Variants in EPHA3 observed in about 807,000 individuals in gnomAD.
EPHA3 encodes the protein ephrin type-A receptor 3.
A neutral mutation model predicts 107.1 loss-of-function variants in EPHA3; 42 were observed. The observed-to-expected ratio is 0.39, with a 90% CI of 0.31 to 0.51. The LOEUF is 0.51. Among genes scored for constraint, EPHA3 ranks in the 20% least tolerant of loss-of-function variants. EPHA3 has a pLI of 0.78. For missense variants in EPHA3, 1,183 were observed against 1,211.2 expected, an observed-to-expected ratio of 0.98 and a Z score of 0.35; for synonymous variants, 461 against 424.8, an observed-to-expected ratio of 1.09 and a Z score of -1.05.
chr3:89,227,332 G>A (rs1704525661), intron 3 of EPHA3, among the ~76,000 whole-genome samples: 3 of 151,906 alleles, frequency 2.0e-5, no homozygotes, highest in African/African-American at 4.8e-5. Flanking sequence ...TCTCTTGGAG[G>A]TTCTGAAAAT....
chr3:89,299,867 C>T (rs1339697053), intron 3 of EPHA3, among the ~76,000 whole-genome samples: 2 of 151,842 alleles, frequency 1.3e-5, no homozygotes, highest in Non-Finnish European at 2.9e-5. Flanking sequence ...TTTTGATAGC[C>T]GTAAGTAACG....
chr3:89,309,723 T>C (rs1056377604), intron 3 of EPHA3, among the ~76,000 whole-genome samples: 10 of 152,262 alleles, frequency 6.6e-5, no homozygotes, highest in Admixed American at 6.5e-4. Flanking sequence ...GCCAAACCTA[T>C]GTTCCCTAGG....
chr3:89,357,797 G>A (rs1459272218), intron 5 of EPHA3, among the ~76,000 whole-genome samples: 1 of 150,862 alleles, frequency 6.6e-6, no homozygotes, highest in East Asian at 1.9e-4. Flanking sequence ...CTTTTCTCTT[G>A]GTTTGAATTG....
intron 3 of EPHA3, among the ~76,000 whole-genome samples, chr3:89,253,408 C>T (rs1705207849): frequency 6.6e-6 from 1 of 152,014 alleles, no homozygotes; most frequent in East Asian, 1.9e-4. Flanking sequence ...GTTACATGTT[C>T]TTTTACAATA....
chr3:89,148,981 C>G (rs540554429), intron 2 of EPHA3, among the ~76,000 whole-genome samples: 1 of 151,672 alleles, frequency 6.6e-6, no homozygotes, highest in Non-Finnish European at 1.5e-5. Context: ...CTGAGAATAC[C>G]GAGTCAGAGA....
Position 89,472,507 on chromosome 3 carries a change from A to G in EPHA3, c.2734A>G (p.Thr912Ala), listed in dbSNP as rs531837299. ...LLDQSNVDIT[T>A]FRTTGDWLNG... is the part of the protein sequence containing the mutation. ...GGACCAAAGCAATGTGGATATCACT[A>G]CCTTCCGCACAACAGGTGACTGGCT... Residue 912 changes from threonine to alanine, a missense_variant, in exon 16 of 17, where the codon ACC becomes GCC. Transcript: ENST00000336596. 2.5e-6 allele frequency: 4 copies of G among 1,613,950 alleles called. No individual in the cohort carries two copies. Among genetic ancestry groups the G allele is most frequent in the East Asian group, 2.2e-5 (1 of 44,880 alleles).
chr3:89,120,267 G>C (rs1388850022), intron 1 of EPHA3, among the ~76,000 whole-genome samples: 3 of 152,122 alleles, frequency 2.0e-5, no homozygotes, highest in Admixed American at 6.6e-5. Context: ...GCAAAACTGT[G>C]AAAAATAAAA....
chr3:89,226,056 A>C (rs943549089), intron 3 of EPHA3, among the ~76,000 whole-genome samples: 1 of 152,198 alleles, frequency 6.6e-6, no homozygotes. Flanking sequence ...GTAAAGAATC[A>C]AATTGTTATA....
intron 15 of EPHA3, among the ~76,000 whole-genome samples, chr3:89,460,682 C>T (rs1162586280): frequency 3.4e-5 from 5 of 148,172 alleles, no homozygotes; most frequent in African/African-American, 1.3e-4. Flanking sequence ...AACCAAAAGA[C>T]AATCTGCCTT....
chr3:89,413,246 T>G lies in EPHA3; in HGVS notation c.1868T>G (p.Ile623Ser). Residue 623 changes from isoleucine to serine, a missense_variant, in exon 10 of 17, where the codon ATT (isoleucine) becomes AGT (serine). By Grantham distance (142) the Ile-to-Ser change is moderately radical (BLOSUM62 -2). Transcript: ENST00000336596. ...AKELDATNISIDKVVGAGEFG... is the reference protein window; with the variant it reads ...AKELDATNISSDKVVGAGEFG... ...GAATTGGATGCCACCAACATATCCATTGATAAAGTTGTTGGAGCAGGTAAC... is the reference window on the plus strand; with the variant it reads ...GAATTGGATGCCACCAACATATCCAGTGATAAAGTTGTTGGAGCAGGTAAC... 3.7e-6 allele frequency: 6 copies of G among 1,611,616 alleles called. No individual in the cohort carries two copies. Among genetic ancestry groups the G allele is most frequent in the Non-Finnish European group, 5.1e-6 (6 of 1,178,256 alleles).
chr3:89,298,122 A>AT (rs1262253151), intron 3 of EPHA3, among the ~76,000 whole-genome samples: 2 of 152,102 alleles, frequency 1.3e-5, no homozygotes, highest in East Asian at 1.9e-4. Context: ...GGGAACAAGC[A>AT]TTTTTCCATG....
intron 5 of EPHA3, among the ~76,000 whole-genome samples, chr3:89,392,371 G>A (rs1364589897): frequency 6.6e-6 from 1 of 151,902 alleles, no homozygotes; most frequent in Non-Finnish European, 1.5e-5. Flanking sequence ...CCCGAGAAGT[G>A]GAGGTGCAGT....
At chr3:89,250,347 T>C (rs1171708937) in intron 3 of EPHA3, among the ~76,000 whole-genome samples, 2 of 152,188 alleles carry the variant, frequency 1.3e-5, no homozygotes, top group Non-Finnish European at 2.9e-5. Context: ...ATTGCCCTTT[T>C]CCCATATCTT....
intron 16 of EPHA3, among the ~76,000 whole-genome samples, chr3:89,474,340 A>AGAC (rs1441764100): frequency 1.3e-5 from 2 of 152,208 alleles, no homozygotes; most frequent in Non-Finnish European, 2.9e-5. Context: ...TTTATTGAAT[A>AGAC]GACTTCTGAC....
At chr3:89,240,430 T>C (rs1704867855) in intron 3 of EPHA3, among the ~76,000 whole-genome samples, 1 of 152,070 alleles carries the variant, frequency 6.6e-6, no homozygotes, top group Non-Finnish European at 1.5e-5. Flanking sequence ...TGCAATACAT[T>C]TGTATTATTT....
intron 3 of EPHA3, among the ~76,000 whole-genome samples, chr3:89,333,531 C>T (rs1040684161): frequency 9.9e-5 from 15 of 152,218 alleles, no homozygotes; most frequent in African/African-American, 3.4e-4. Flanking sequence ...TAACTCGGCA[C>T]TTAAACTTGA....
intron 5 of EPHA3, among the ~76,000 whole-genome samples, chr3:89,394,486 A>G (rs1185835082): frequency 1.3e-5 from 2 of 152,236 alleles, no homozygotes; most frequent in Non-Finnish European, 2.9e-5. Flanking sequence ...CTCACAAATA[A>G]TAAAACCCAG....
At chr3:89,218,927 C>T (rs557572657) in intron 3 of EPHA3, among the ~76,000 whole-genome samples, 41 of 152,162 alleles carry the variant, frequency 2.7e-4, no homozygotes, top group African/African-American at 9.9e-4. Context: ...TGTGGCGATT[C>T]CTCAGGGATC....
chr3:89,225,881 T>G (rs1704489845), intron 3 of EPHA3, among the ~76,000 whole-genome samples: 1 of 152,108 alleles, frequency 6.6e-6, no homozygotes, highest in Admixed American at 6.6e-5. Flanking sequence ...CATACACACG[T>G]GTTCAAGTTA....
Sources: allele counts gnomAD v4.1 joint callset (sites outside exome capture counted in the v4.1 genomes callset), GRCh38; gene constraint gnomAD v4.1.1; transcripts MANE v1.5; gene names NCBI Gene and HGNC (gene_info 2026-07-23, HGNC 2026-07-21).